Variants in CNTNAP4 observed in about 807,000 individuals in gnomAD.
The protein encoded by CNTNAP4 is contactin-associated protein-like 4.
A neutral mutation model predicts 148.4 loss-of-function variants in CNTNAP4; 98 were observed. The ratio of observed to expected loss-of-function variants is 0.66; its 90% CI spans 0.56 to 0.78. The LOEUF is 0.78. CNTNAP4 is among the 30% of genes least tolerant of loss of function. The pLI is 0.00. For missense variants in CNTNAP4, 1,935 were observed against 1,565.6 expected, an observed-to-expected ratio of 1.24 and a Z score of -3.98; for synonymous variants, 730 against 565.1, an observed-to-expected ratio of 1.29 and a Z score of -4.14.
At position 76,329,235 on chromosome 16, in the gene CNTNAP4, G is replaced by C. The variant is rs116165000; in HGVS notation, c.196+12712G>C. ...AATGTCACTTAACAGTTAGTGTGAT[G>C]GGTGTTTAGGCATCCATAATTATCC... On this transcript the variant is annotated intron_variant, in intron 2 of 23. Coordinates refer to ENST00000611870, the MANE Select transcript of CNTNAP4 (RefSeq NM_033401.5). Among the ~76,000 whole-genome samples the C allele has an allele frequency of 4.8e-3, 725 of 152,268 alleles. 2 individuals are homozygous for C. Among genetic ancestry groups the C allele is most frequent in the African/African-American group, 0.016 (651 of 41,566 alleles).
intron 3 of CNTNAP4, among the ~76,000 whole-genome samples, chr16:76,370,602 C>G (rs763008077): frequency 2.6e-5 from 4 of 152,166 alleles, no homozygotes; most frequent in Non-Finnish European, 5.9e-5. Flanking sequence ...ACTCAGCCCT[C>G]TAATGTTTTG....
At chr16:76,312,656 AACT>A (rs1961258247) in intron 1 of CNTNAP4, among the ~76,000 whole-genome samples, 1 of 152,120 alleles carries the variant, frequency 6.6e-6, no homozygotes, top group African/African-American at 2.4e-5. Flanking sequence ...TGTCTGATGG[AACT>A]CCTACACTTC....
chr16:76,386,752 G>T (rs912300179), intron 3 of CNTNAP4, among the ~76,000 whole-genome samples: 1 of 152,034 alleles, frequency 6.6e-6, no homozygotes, highest in African/African-American at 2.4e-5. Flanking sequence ...TATAAAAAAG[G>T]CATATTGGGA....
In CNTNAP4 at chr16:76,495,173, T is replaced by C. The variant is rs561232324; in HGVS notation, c.2237+107T>C. ...TACTGAACAAGTTAGTGCAATGAAGTAATTAAATAAAGGTTTGTTTTAATG... is the reference window on the plus strand; with the variant it reads ...TACTGAACAAGTTAGTGCAATGAAGCAATTAAATAAAGGTTTGTTTTAATG... On this transcript the variant is annotated intron_variant, in intron 14 of 23. Transcript: ENST00000611870. 7.7e-6 allele frequency: 9 copies of C among 1,174,494 alleles called. No homozygotes were observed. In the South Asian group the frequency reaches 1.3e-4, roughly 17 times the overall value. The allele number at this position is 1,174,494 out of a possible 1,614,324, so 72.8% of individuals were successfully genotyped here.
chr16:76,548,801 C>A (rs540162974), intron 21 of CNTNAP4, among the ~76,000 whole-genome samples: 1 of 152,298 alleles, frequency 6.6e-6, no homozygotes, highest in East Asian at 1.9e-4. Context: ...TAACTCATTA[C>A]ACTGTGTTGG....
At chr16:76,436,796 C>T (rs1417983991) in intron 4 of CNTNAP4, among the ~76,000 whole-genome samples, 3 of 152,184 alleles carry the variant, frequency 2.0e-5, no homozygotes, top group South Asian at 4.2e-4. Flanking sequence ...GTTCTCCATA[C>T]TATTAGAAGT....
chr16:76,398,266 G>A (rs1035840192), intron 3 of CNTNAP4, among the ~76,000 whole-genome samples: 2 of 151,644 alleles, frequency 1.3e-5, no homozygotes, highest in Admixed American at 6.6e-5. Flanking sequence ...GTCTTTCCCA[G>A]TCCACTGACT....
chr16:76,392,635 G>A (rs2078067127), intron 3 of CNTNAP4, among the ~76,000 whole-genome samples: 1 of 152,138 alleles, frequency 6.6e-6, no homozygotes, highest in Admixed American at 6.5e-5. Context: ...TAGCAGGTCT[G>A]CTCAAGTACA....
intron 9 of CNTNAP4, among the ~76,000 whole-genome samples, chr16:76,464,822 C>G (rs904378150): frequency 6.6e-6 from 1 of 152,200 alleles, no homozygotes; most frequent in African/African-American, 2.4e-5. Context: ...TTTCCACCCT[C>G]AAACAGGTGC....
chr16:76,491,152 C>T (rs574983485), intron 13 of CNTNAP4, among the ~76,000 whole-genome samples: 1 of 152,198 alleles, frequency 6.6e-6, no homozygotes, highest in East Asian at 1.9e-4. Context: ...CTTTCTCCTC[C>T]TCGTTTTCCT....
intron 3 of CNTNAP4, among the ~76,000 whole-genome samples, chr16:76,424,569 C>G (rs893233053): frequency 5.3e-5 from 8 of 152,006 alleles, no homozygotes; most frequent in Non-Finnish European, 2.9e-5. Flanking sequence ...GCCTGGCCAA[C>G]ATGGTAAAAT....
intron 1 of CNTNAP4, among the ~76,000 whole-genome samples, chr16:76,282,140 T>G (rs1321617373): frequency 6.6e-6 from 1 of 151,888 alleles, no homozygotes; most frequent in Admixed American, 6.6e-5. Flanking sequence ...AATATATACT[T>G]GCAGAGTTGT....
At chr16:76,357,390 C>T (rs926899670) in intron 3 of CNTNAP4, among the ~76,000 whole-genome samples, 1 of 152,182 alleles carries the variant, frequency 6.6e-6, no homozygotes, top group African/African-American at 2.4e-5. Context: ...AACCCAGGCA[C>T]TGCCATTTAC....
At chr16:76,352,235 C>G (rs74026725) in intron 2 of CNTNAP4, among the ~76,000 whole-genome samples, 3,661 of 152,226 alleles carry the variant, frequency 0.024, 153 homozygotes, top group African/African-American at 0.085. Context: ...AGAAGTCTTT[C>G]AATTTCTAAA....
At chr16:76,359,832 A>G (rs2013183791) in intron 3 of CNTNAP4, among the ~76,000 whole-genome samples, 1 of 152,232 alleles carries the variant, frequency 6.6e-6, no homozygotes, top group Admixed American at 6.5e-5. Flanking sequence ...TTGAAAAAGT[A>G]AACATAAGGT....
chr16:76,327,998 G>A (rs572224423), intron 2 of CNTNAP4, among the ~76,000 whole-genome samples: 1 of 152,288 alleles, frequency 6.6e-6, no homozygotes, highest in Non-Finnish European at 1.5e-5. Flanking sequence ...TTGCCTCAAA[G>A]TCATGCTTCT....
At chr16:76,419,336 C>T (rs4243118) in intron 3 of CNTNAP4, among the ~76,000 whole-genome samples, 63,685 of 151,660 alleles carry the variant, frequency 0.42, 13,760 homozygotes, top group African/African-American at 0.51. Context: ...AGGAGAATAG[C>T]CCTTTGTTAT....
intron 2 of CNTNAP4, among the ~76,000 whole-genome samples, chr16:76,331,574 G>T (rs1963529882): frequency 6.8e-6 from 1 of 147,824 alleles, no homozygotes; most frequent in African/African-American, 2.5e-5. Context: ...GATCTATTTT[G>T]AATTAATATT....
chr16:76,496,085 T>TTGTGTGTGTGTG (rs5817999), intron 14 of CNTNAP4, among the ~76,000 whole-genome samples: 8,247 of 140,052 alleles, frequency 0.059, 502 homozygotes, highest in African/African-American at 0.15. Flanking sequence ...CAAGATTATG[T>TTGTGTGTGTGTG]TGTGTGTGTG....
Sources: allele counts gnomAD v4.1 joint callset (sites outside exome capture counted in the v4.1 genomes callset), GRCh38; gene constraint gnomAD v4.1.1; transcripts MANE v1.5; gene names NCBI Gene and HGNC (gene_info 2026-07-23, HGNC 2026-07-21).